CHN2: variants seen among roughly 807,000 people sequenced by gnomAD.
CHN2 encodes the protein beta-chimaerin.
In CHN2, 35 loss-of-function variants were observed where a neutral mutation model predicts 56.3. The ratio of observed to expected loss-of-function variants is 0.62; its 90% CI spans 0.47 to 0.82. The LOEUF (loss-of-function observed/expected upper bound fraction) is 0.82, where lower values mean the gene tolerates loss of function less well. CHN2 is among the 40% of genes least tolerant of loss of function. The pLI, the probability that CHN2 is intolerant of heterozygous loss-of-function variation, is 0.00. For missense variants in CHN2, 491 were observed against 580.5 expected, an observed-to-expected ratio of 0.85 and a Z score of 1.58; for synonymous variants, 210 against 212.8, an observed-to-expected ratio of 0.99 and a Z score of 0.12.
chr7:29,318,802 G>A (rs899700359), intron 1 of CHN2, among the ~76,000 whole-genome samples: 4 of 152,156 alleles, frequency 2.6e-5, no homozygotes, highest in African/African-American at 9.7e-5. Flanking sequence ...AATGAAAGCT[G>A]CAAGGAACAT....
chr7:29,386,705 T>C (rs1195525327), intron 3 of CHN2, among the ~76,000 whole-genome samples: 4 of 152,186 alleles, frequency 2.6e-5, no homozygotes, highest in African/African-American at 9.7e-5. Flanking sequence ...TTCCTTAAAA[T>C]TGAAAAATAC....
At chr7:29,348,052 G>A (rs1797596103) in intron 1 of CHN2, among the ~76,000 whole-genome samples, 1 of 151,568 alleles carries the variant, frequency 6.6e-6, no homozygotes, top group Non-Finnish European at 1.5e-5. Context: ...TAAATTATTG[G>A]ACTTTTTCTG....
At chr7:29,274,985 C>T (rs1347435636) in intron 1 of CHN2, among the ~76,000 whole-genome samples, 1 of 152,086 alleles carries the variant, frequency 6.6e-6, no homozygotes, top group Non-Finnish European at 1.5e-5. Flanking sequence ...TAGCAAGGCC[C>T]TGGGTCTGGT....
intron 1 of CHN2, among the ~76,000 whole-genome samples, chr7:29,224,049 G>A (rs968810669): frequency 6.6e-6 from 1 of 152,122 alleles, no homozygotes; most frequent in Admixed American, 6.5e-5. Flanking sequence ...GGAAAGGTGG[G>A]CCAGACTGTT....
At chr7:29,457,605 C>T (rs1784861324) in intron 6 of CHN2, among the ~76,000 whole-genome samples, 2 of 152,182 alleles carry the variant, frequency 1.3e-5, no homozygotes, top group Non-Finnish European at 2.9e-5. Flanking sequence ...TAATTTCACT[C>T]TGAGGTTGCT....
At chr7:29,272,876 A>G (rs990163548) in intron 1 of CHN2, among the ~76,000 whole-genome samples, 3 of 152,236 alleles carry the variant, frequency 2.0e-5, no homozygotes, top group Non-Finnish European at 4.4e-5. Flanking sequence ...TTACAATAGT[A>G]AAGCAAATTA....
chr7:29,280,254 G>T (rs554115849), intron 1 of CHN2, among the ~76,000 whole-genome samples: 1 of 151,818 alleles, frequency 6.6e-6, no homozygotes, highest in Non-Finnish European at 1.5e-5. Flanking sequence ...CGTGGTGGTG[G>T]GCGCCTGTAG....
intron 2 of CHN2, among the ~76,000 whole-genome samples, chr7:29,356,042 G>A (rs1039936677): frequency 6.6e-5 from 10 of 151,758 alleles, no homozygotes; most frequent in African/African-American, 2.4e-4. Context: ...CTCGGCCTCC[G>A]AAATTGCTGG....
At chr7:29,305,799 C>T (rs924005331) in intron 1 of CHN2, among the ~76,000 whole-genome samples, 6 of 151,812 alleles carry the variant, frequency 4.0e-5, no homozygotes, top group Admixed American at 6.6e-5. Flanking sequence ...TCCATCCTCC[C>T]GTTCCTTCCT....
In CHN2 at chr7:29,212,501, T is replaced by G; in HGVS notation, c.49+17511T>G. 6 of 1,576,728 alleles carry G rather than the reference T, an allele frequency of 3.8e-6. No individual in the cohort carries two copies. In the South Asian group the frequency reaches 6.6e-5, roughly 17 times the overall value. On this transcript the variant is annotated intron_variant, in intron 1 of 12. Transcript: ENST00000222792. ...TCTGCTTATTCAGGACAGCCCTGAT[T>G]CTTCCACCAGTCCCAAAGGCAAACA...
At chr7:29,497,069 A>G (rs1336749409) in intron 8 of CHN2, among the ~76,000 whole-genome samples, 3 of 152,216 alleles carry the variant, frequency 2.0e-5, no homozygotes, top group Non-Finnish European at 2.9e-5. Context: ...TCTAGCTTCC[A>G]TTGTGTAAAT....
chr7:29,480,437 G>T, intron 7 of CHN2, 81 bp downstream of exon 7: 2 of 1,401,976 alleles, frequency 1.4e-6, no homozygotes, highest in South Asian at 2.4e-5. Context: ...TCTGGTTTCT[G>T]ACTGTAAAGT....
chr7:29,194,952 C>G lies in CHN2; in HGVS notation c.11C>G (p.Ser4Cys). ...GAGGGGCGCGCGGAGATGGCAGCGT[C>G]CAGCAACTCCAGCCTGTCCGGCTCG... is the stretch of plus-strand genomic sequence containing the variant. MAA[S>C]SNSSLSGSSV... The change falls in exon 1 of 13, where the codon TCC (serine) becomes TGC (cysteine). Residue 4 changes from serine (S) to cysteine (C), a missense_variant. Physicochemically the swap from Ser to Cys is moderately radical, Grantham distance 112. Transcript: ENST00000222792. 1 of 1,575,722 alleles carries G rather than the reference C, an allele frequency of 6.3e-7. No homozygotes were observed. The highest frequency in any genetic ancestry group is 1.2e-5 in the South Asian group (1 of 86,850).
intron 10 of CHN2, among the ~76,000 whole-genome samples, chr7:29,505,897 T>C (rs1173244024): frequency 6.6e-6 from 1 of 152,256 alleles, no homozygotes; most frequent in Non-Finnish European, 1.5e-5. Flanking sequence ...AATAACTGTT[T>C]GCTAAATATG....
At chr7:29,493,230 G>A (rs780036777) in intron 7 of CHN2, among the ~76,000 whole-genome samples, 44 of 152,084 alleles carry the variant, frequency 2.9e-4, no homozygotes, top group Non-Finnish European at 1.6e-4. Context: ...GTAGAGGTCT[G>A]TAGCCTAGGA....
At chr7:29,394,442 A>G (rs1020264324) in intron 4 of CHN2, among the ~76,000 whole-genome samples, 2 of 152,128 alleles carry the variant, frequency 1.3e-5, no homozygotes, top group Admixed American at 1.3e-4. Context: ...TTTTGAGTCT[A>G]CCTTCCAAGC....
intron 1 of CHN2, among the ~76,000 whole-genome samples, chr7:29,259,798 C>T (rs1230627277): frequency 1.3e-5 from 2 of 151,992 alleles, no homozygotes; most frequent in African/African-American, 4.8e-5. Flanking sequence ...AATAATTTCG[C>T]TATGTATACA....
chr7:29,359,786 A>T (rs1562545382), intron 2 of CHN2, among the ~76,000 whole-genome samples: 2 of 152,232 alleles, frequency 1.3e-5, no homozygotes, highest in Non-Finnish European at 2.9e-5. Context: ...CCAGAACTGT[A>T]TGAACTTTAT....
chr7:29,449,861 G>A lies in CHN2; in HGVS notation c.577-30418G>A, dbSNP rs1784281871. Among the ~76,000 whole-genome samples the A allele has an allele frequency of 2.0e-5, 3 of 152,318 alleles. No individual in the cohort carries two copies. The South Asian group carries it at 6.2e-4, about 32-fold the overall frequency. On this transcript the variant is annotated intron_variant, in intron 6 of 12. Coordinates refer to ENST00000222792, the MANE Select transcript of CHN2 (RefSeq NM_004067.4). ...AGAGCAAAGACAAACTGAGCTGGGT[G>A]GTAACTTGGTGTTTACTCTGTTCTA...
Sources: allele counts gnomAD v4.1 joint callset (sites outside exome capture counted in the v4.1 genomes callset), GRCh38; gene constraint gnomAD v4.1.1; transcripts MANE v1.5; gene names NCBI Gene and HGNC (gene_info 2026-07-23, HGNC 2026-07-21).